ADAM23: variants seen among roughly 807,000 people sequenced by gnomAD.
ADAM23 encodes disintegrin and metalloproteinase domain-containing protein 23.
A neutral mutation model predicts 120.1 loss-of-function variants in ADAM23; 33 were observed. The ratio of observed to expected loss-of-function variants is 0.27; its 90% CI spans 0.21 to 0.37. The LOEUF (loss-of-function observed/expected upper bound fraction) is 0.37, where lower values mean the gene tolerates loss of function less well. Ranked by LOEUF, ADAM23 falls within the 10% of genes least tolerant of loss-of-function variation. The probability of loss-of-function intolerance (pLI) is 1.00; values close to 1 mark genes in which losing one functional copy is unlikely to be tolerated. For synonymous variants in ADAM23, 367 were observed against 375.2 expected (o/e 0.98, Z 0.25); for missense variants, 862 against 1,058.2 (o/e 0.81, Z 2.57).
chr2:206,616,625 A>G (rs1338006218), intron 25 of ADAM23, among the ~76,000 whole-genome samples: 2 of 152,042 alleles, frequency 1.3e-5, no homozygotes, highest in African/African-American at 4.8e-5. Context: ...TTTGATACTT[A>G]GGGCCTGTAA....
At chr2:206,512,795 G>A (rs1921665) in intron 3 of ADAM23, among the ~76,000 whole-genome samples, 27,050 of 152,136 alleles carry the variant, frequency 0.18, 2,759 homozygotes, top group African/African-American at 0.28. Flanking sequence ...TTTGGGAGCC[G>A]TGCATTGAGC....
At chr2:206,545,486 A>G (rs1033604753) in intron 6 of ADAM23, among the ~76,000 whole-genome samples, 12 of 152,124 alleles carry the variant, frequency 7.9e-5, no homozygotes, top group Admixed American at 2.0e-4. Flanking sequence ...ACTCCATCTC[A>G]ATAAATAAAT....
chr2:206,468,232 C>T (rs1574482965), intron 2 of ADAM23, among the ~76,000 whole-genome samples: 1 of 152,122 alleles, frequency 6.6e-6, no homozygotes, highest in East Asian at 1.9e-4. Context: ...ATGGGCTTTT[C>T]GTTTTTCACC....
At chr2:206,616,001 A>C (rs1270910370) in intron 25 of ADAM23, among the ~76,000 whole-genome samples, 3 of 152,172 alleles carry the variant, frequency 2.0e-5, no homozygotes, top group African/African-American at 7.2e-5. Flanking sequence ...GGATTTACTG[A>C]GGAAATTTAG....
chr2:206,459,351 CTTAT>C (rs1057465704), intron 2 of ADAM23, among the ~76,000 whole-genome samples: 11 of 152,184 alleles, frequency 7.2e-5, no homozygotes, highest in African/African-American at 2.4e-4. Context: ...TAACTATATC[CTTAT>C]TTATTCTTTT....
intron 3 of ADAM23, among the ~76,000 whole-genome samples, chr2:206,509,430 G>A (rs1329766189): frequency 6.6e-6 from 1 of 151,866 alleles, no homozygotes; most frequent in Non-Finnish European, 1.5e-5. Flanking sequence ...TTCAGGGGGA[G>A]ATTATTTGTA....
intron 18 of ADAM23, among the ~76,000 whole-genome samples, chr2:206,586,533 C>A (rs1698325573): frequency 6.6e-6 from 1 of 152,176 alleles, no homozygotes; most frequent in Non-Finnish European, 1.5e-5. Context: ...ACATCATTTA[C>A]TGAGAAGGTG....
In ADAM23 at chr2:206,451,797, G is replaced by C. The variant is rs1695201031; in HGVS notation, c.432+6273G>C. On this transcript the variant is annotated intron_variant, in intron 2 of 25. Transcript: ENST00000264377. ...GGTTGTGAAGACTGTGAAGACACAA[G>C]GGGGTCTGGATTTATTCTATATCAA... is the stretch of plus-strand genomic sequence containing the variant. Among the ~76,000 whole-genome samples, 3 of 152,282 alleles carry C rather than the reference G, an allele frequency of 2.0e-5. 1 individual carries two copies. The South Asian group carries it at 6.2e-4, about 32-fold the overall frequency.
chr2:206,539,470 A>G (rs552775510), intron 4 of ADAM23, among the ~76,000 whole-genome samples: 5 of 152,210 alleles, frequency 3.3e-5, no homozygotes, highest in African/African-American at 1.2e-4. Flanking sequence ...AGAAACATGG[A>G]CTTGAGAACC....
intron 2 of ADAM23, among the ~76,000 whole-genome samples, chr2:206,462,814 G>A (rs1695453263): frequency 6.6e-6 from 1 of 152,130 alleles, no homozygotes; most frequent in Non-Finnish European, 1.5e-5. Flanking sequence ...GGCCAGAGGA[G>A]GAAGAGTCTA....
chr2:206,549,048 C>A (rs1697459250), intron 8 of ADAM23, among the ~76,000 whole-genome samples: 1 of 151,876 alleles, frequency 6.6e-6, no homozygotes, highest in Non-Finnish European at 1.5e-5. Context: ...ATGGTGAATG[C>A]TATGTAACTG....
At chr2:206,599,725 C>T (rs1012798130) in intron 24 of ADAM23, among the ~76,000 whole-genome samples, 4 of 152,200 alleles carry the variant, frequency 2.6e-5, no homozygotes, top group Non-Finnish European at 4.4e-5. Context: ...ACACTCTTCT[C>T]TTTTGAAATA....
intron 20 of ADAM23, among the ~76,000 whole-genome samples, chr2:206,588,736 G>A (rs553434732): frequency 2.6e-5 from 4 of 152,114 alleles, no homozygotes; most frequent in African/African-American, 7.2e-5. Flanking sequence ...AGGGCCAGAC[G>A]GGGGGAAGAA....
rs1037366841 is a variant in ADAM23, at chr2:206,562,113, GAGA to G, written c.1255-86_1255-84del. The G allele has an allele frequency of 1.6e-5, 18 of 1,093,716 alleles. No individual in the cohort carries two copies. The African/African-American group carries it at 2.6e-4, about 16-fold the overall frequency. The allele number at this position is 1,093,716 out of a possible 1,614,324, so 67.8% of individuals were successfully genotyped here. A position where few individuals can be genotyped will look rare whatever the true frequency, so the allele number is the denominator to read the frequency against. ...ACTGACAGGCTCTACTTAGGGAACTGAGAAGATTTGTGGTAACAATTAAGAAAT... is the reference window on the plus strand; with the variant it reads ...ACTGACAGGCTCTACTTAGGGAACTGAGATTTGTGGTAACAATTAAGAAAT... On this transcript the variant is annotated intron_variant, in intron 12 of 25. Transcript: ENST00000264377.
chr2:206,526,729 A>C (rs1302926449), intron 3 of ADAM23, among the ~76,000 whole-genome samples: 1 of 152,222 alleles, frequency 6.6e-6, no homozygotes, highest in East Asian at 1.9e-4. Flanking sequence ...GGGAAAATGA[A>C]ATAGCATTTG....
chr2:206,524,890 G>A (rs1452205958), intron 3 of ADAM23, among the ~76,000 whole-genome samples: 1 of 152,178 alleles, frequency 6.6e-6, no homozygotes, highest in African/African-American at 2.4e-5. Context: ...AGCAACTGGA[G>A]GAGAGGACAT....
rs549639542 is a variant in ADAM23 at position 206,467,241 on chromosome 2, G to A, written c.433-13991G>A. 5.9e-5 allele frequency among the ~76,000 whole-genome samples: 9 copies of A among 152,240 alleles called. No homozygotes were observed. In the South Asian group the frequency reaches 1.7e-3, roughly 28 times the overall value. On this transcript the variant is annotated intron_variant, in intron 2 of 25. Coordinates refer to ENST00000264377, the MANE Select transcript of ADAM23 (RefSeq NM_003812.4). The stretch of plus-strand genomic sequence containing the variant: ...TCCCCCAGAATCTTAACTCATTCCA[G>A]CATTAACTCAGAAGTCCAAAGTCTT...
chr2:206,601,766 C>A, intron 24 of ADAM23, among the ~76,000 whole-genome samples: 1 of 145,660 alleles, frequency 6.9e-6, no homozygotes, highest in Non-Finnish European at 1.5e-5. Flanking sequence ...AGAGTAAGAC[C>A]CTTCTCAAAA....
At chr2:206,564,353 C>T (rs912962228) in intron 13 of ADAM23, among the ~76,000 whole-genome samples, 3 of 152,142 alleles carry the variant, frequency 2.0e-5, no homozygotes, top group Admixed American at 6.5e-5. Flanking sequence ...ATTATGTACA[C>T]TTCTGTTTTA....
Sources: allele counts gnomAD v4.1 joint callset (sites outside exome capture counted in the v4.1 genomes callset), GRCh38; gene constraint gnomAD v4.1.1; transcripts MANE v1.5; gene names NCBI Gene and HGNC (gene_info 2026-07-23, HGNC 2026-07-21).